AP1G1: variants seen among roughly 807,000 people sequenced by gnomAD.
AP1G1 encodes the protein adaptor related protein complex 1 subunit gamma 1, also known as AP-1 complex subunit gamma-1.
Under a neutral mutation model 108.3 loss-of-function variants are expected in AP1G1, and 7 were observed. The observed-to-expected ratio is 0.06, with a 90% CI of 0.04 to 0.12. The LOEUF is 0.12. Among genes scored for constraint, AP1G1 ranks in the 10% least tolerant of loss-of-function variants. The pLI, the probability that AP1G1 is intolerant of heterozygous loss-of-function variation, is 1.00. For missense variants in AP1G1, 756 were observed against 1,010.7 expected (o/e 0.75, Z 3.42); for synonymous variants, 379 against 353.5 (o/e 1.07, Z -0.81).
chr16:71,759,156 C>T (rs2030952359), intron 10 of AP1G1, among the ~76,000 whole-genome samples: 1 of 152,164 alleles, frequency 6.6e-6, no homozygotes, highest in Non-Finnish European at 1.5e-5. Flanking sequence ...ATGGTCAAGT[C>T]CTTTTAAACT....
intron 1 of AP1G1, among the ~76,000 whole-genome samples, chr16:71,790,100 TA>T (rs55694135): frequency 0.86 from 126,097 of 146,042 alleles, 54,310 homozygotes; most frequent in East Asian, 0.99. Context: ...CTTTTAAAAG[TA>T]AAAAAAAAAA....
intron 10 of AP1G1, among the ~76,000 whole-genome samples, chr16:71,759,895 C>A (rs1462380576): frequency 2.0e-5 from 3 of 151,878 alleles, no homozygotes; most frequent in African/African-American, 7.3e-5. Flanking sequence ...GGCTGCCTTT[C>A]CCCCAAAATG....
At chr16:71,785,214 A>G (rs1374851046) in intron 2 of AP1G1, among the ~76,000 whole-genome samples, 1 of 152,074 alleles carries the variant, frequency 6.6e-6, no homozygotes, top group Non-Finnish European at 1.5e-5. Context: ...CTGTATTTAG[A>G]TTTCATAAAA....
intron 1 of AP1G1, among the ~76,000 whole-genome samples, chr16:71,790,450 C>G (rs1254589416): frequency 3.3e-5 from 5 of 151,638 alleles, no homozygotes; most frequent in African/African-American, 1.2e-4. Flanking sequence ...TTGCTTGAAC[C>G]CAGGAGGTGG....
intron 1 of AP1G1, among the ~76,000 whole-genome samples, chr16:71,803,885 A>G (rs1464748005): frequency 6.9e-6 from 1 of 144,394 alleles, no homozygotes; most frequent in African/African-American, 2.6e-5. Context: ...GATGGCTCCG[A>G]TGCACTCCAG....
At chr16:71,790,922 T>C (rs918492351) in intron 1 of AP1G1, among the ~76,000 whole-genome samples, 1 of 152,118 alleles carries the variant, frequency 6.6e-6, no homozygotes, top group Non-Finnish European at 1.5e-5. Context: ...GACATCATTA[T>C]GAAAATAGGA....
Position 71,745,877 on chromosome 16 carries a change from A to G in AP1G1, c.1731-263T>C, listed in dbSNP as rs2030147360. 3.3e-5 allele frequency among the ~76,000 whole-genome samples: 5 copies of G among 152,338 alleles called. No homozygotes were observed. The South Asian group carries it at 1.0e-3, about 32-fold the overall frequency. On this transcript the variant is annotated intron_variant, in intron 17 of 22. Transcript: ENST00000299980. The stretch of plus-strand genomic sequence containing the variant: ...TTTCAGTGGTAGAGAGACTGAGATG[A>G]AAGAAAGGTAAATCCATAGGTATTA...
At chr16:71,752,652 C>T (rs1203589206) in intron 13 of AP1G1, among the ~76,000 whole-genome samples, 1 of 151,972 alleles carries the variant, frequency 6.6e-6, no homozygotes. Flanking sequence ...GGCTAAAGTC[C>T]TAAAAATTGA....
intron 2 of AP1G1, 31 bp from the exon 3 acceptor site, chr16:71,774,623 AT>A (rs746822796): frequency 1.4e-5 from 21 of 1,547,212 alleles, no homozygotes; most frequent in Non-Finnish European, 1.7e-5. Flanking sequence ...AAAGAAGGAA[AT>A]TAAAACTTGC....
At chr16:71,791,246 AC>A (rs1333459250) in intron 1 of AP1G1, among the ~76,000 whole-genome samples, 1 of 151,914 alleles carries the variant, frequency 6.6e-6, no homozygotes, top group East Asian at 1.9e-4. Flanking sequence ...AACAAAAAAA[AC>A]AAAAACAAAA....
chr16:71,792,415 T>C (rs892887863), intron 1 of AP1G1, among the ~76,000 whole-genome samples: 19 of 152,156 alleles, frequency 1.2e-4, no homozygotes, highest in Admixed American at 1.1e-3. Flanking sequence ...ACCCTAGATA[T>C]ATAAGAAAGT....
At chr16:71,751,470 A>C (rs2030500026) in intron 13 of AP1G1, 2 of 147,350 alleles carry the variant, frequency 1.4e-5, no homozygotes, top group African/African-American at 4.9e-5. Context: ...AGGAAAAAAA[A>C]GAAAAAAAAA....
intron 1 of AP1G1, among the ~76,000 whole-genome samples, chr16:71,805,151 G>A (rs2032952908): frequency 6.6e-6 from 1 of 151,990 alleles, no homozygotes; most frequent in African/African-American, 2.4e-5. Context: ...CCAAAATCAA[G>A]AACCGAAAAC....
chr16:71,753,953 A>C (rs1443360723), intron 12 of AP1G1, 66 bp from the exon 13 acceptor site: 2 of 1,487,240 alleles, frequency 1.3e-6, no homozygotes, highest in African/African-American at 2.8e-5. Context: ...TGACTAGAAA[A>C]TCCTGCCCAA....
intron 2 of AP1G1, among the ~76,000 whole-genome samples, chr16:71,781,085 T>G (rs984522207): frequency 4.6e-5 from 7 of 152,224 alleles, no homozygotes; most frequent in South Asian, 2.1e-4. Flanking sequence ...CCCAAAGTGC[T>G]GGGATTATAG....
At chr16:71,765,699 C>T (rs1206698833) in intron 6 of AP1G1, 115 bp from the exon 7 acceptor site, 3 of 746,220 alleles carry the variant, frequency 4.0e-6, no homozygotes, top group Non-Finnish European at 7.1e-6. Context: ...GCAAATTCTA[C>T]TGATTTAATA....
chr16:71,772,496 A>G lies in AP1G1; in HGVS notation c.468+725T>C, dbSNP rs373815855. On this transcript the variant is annotated intron_variant, in intron 4 of 22. Coordinates refer to ENST00000299980, the MANE Select transcript of AP1G1 (RefSeq NM_001128.6). ...GACAATGAGCTTTCTGAACAAGAGTAGCTCACATATTCTTTAAGAAAAAGG... is the reference window on the plus strand; with the variant it reads ...GACAATGAGCTTTCTGAACAAGAGTGGCTCACATATTCTTTAAGAAAAAGG... 6.0e-4 allele frequency among the ~76,000 whole-genome samples: 91 copies of G among 152,310 alleles called. 1 individual carries two copies. The South Asian group carries it at 0.015, about 25-fold the overall frequency.
intron 13 of AP1G1, among the ~76,000 whole-genome samples, chr16:71,751,086 C>G (rs1247010928): frequency 6.6e-6 from 1 of 151,100 alleles, no homozygotes; most frequent in Admixed American, 6.6e-5. Context: ...ACCCAGGAGG[C>G]CGAGCTTGCA....
chr16:71,762,057 G>C (rs940967716), intron 9 of AP1G1, among the ~76,000 whole-genome samples: 5 of 151,804 alleles, frequency 3.3e-5, no homozygotes, highest in Non-Finnish European at 5.9e-5. Context: ...TGTACATATA[G>C]ACAAAAGTCT....
Sources: gnomAD v4.1 joint callset for allele counts (sites outside exome capture counted in the v4.1 genomes callset) on GRCh38, gnomAD v4.1.1 for gene constraint, MANE v1.5 for transcripts, NCBI Gene and HGNC (gene_info 2026-07-23, HGNC 2026-07-21) for gene names.